The following IFT122 variants were observed in gnomAD, a reference collection of about 807,000 sequenced individuals.
IFT122 encodes intraflagellar transport 122.
In IFT122, 118 loss-of-function variants were observed where a neutral mutation model predicts 161.6. That is an observed-to-expected ratio of 0.73 (90% CI 0.63 to 0.85). The LOEUF (loss-of-function observed/expected upper bound fraction) is 0.85, where lower values mean the gene tolerates loss of function less well. IFT122 is among the 40% of genes least tolerant of loss of function. IFT122 has a pLI of 0.00. For missense variants in IFT122, 1,381 were observed against 1,579.6 expected (o/e 0.87, Z 2.13); for synonymous variants, 550 against 602.4 (o/e 0.91, Z 1.27).
intron 7 of IFT122, 119 bp from the exon 8 acceptor site, chr3:129,466,771 G>A: frequency 1.1e-6 from 1 of 929,360 alleles, no homozygotes; most frequent in South Asian, 1.3e-5. Context: ...CTGAAGTGCT[G>A]GGATTACAGG....
chr3:129,458,134 A>G (rs1274636685), intron 3 of IFT122: 1 of 170,850 alleles, frequency 5.9e-6, no homozygotes, highest in African/African-American at 2.4e-5. Flanking sequence ...GTATGTATAT[A>G]AAATACCACA....
chr3:129,458,534 A>G, intron 3 of IFT122, 65 bp from the exon 4 acceptor site: 1 of 1,375,122 alleles, frequency 7.3e-7, no homozygotes, highest in Non-Finnish European at 1.0e-6. Context: ...TTTTCTAAAG[A>G]ATTCTCTCTG....
chr3:129,506,795 A>G (rs1056581658), intron 22 of IFT122, among the ~76,000 whole-genome samples: 1 of 152,222 alleles, frequency 6.6e-6, no homozygotes, highest in African/African-American at 2.4e-5. Flanking sequence ...AATTCAGAGC[A>G]TATCTCTCCC....
At chr3:129,471,942 C>A (rs911208638) in intron 9 of IFT122, among the ~76,000 whole-genome samples, 1 of 152,006 alleles carries the variant, frequency 6.6e-6, no homozygotes, top group African/African-American at 2.4e-5. Flanking sequence ...TTATAACAAC[C>A]CTATGAGGTA....
At chr3:129,475,912 CT>C (rs1159278378) in intron 9 of IFT122, among the ~76,000 whole-genome samples, 2 of 152,142 alleles carry the variant, frequency 1.3e-5, no homozygotes, top group African/African-American at 4.8e-5. Flanking sequence ...TTATAAAATA[CT>C]TTTTTAAAAA....
At position 129,479,874 on chromosome 3, in the gene IFT122, T is replaced by C. The variant is rs757909151; in HGVS notation, c.1440T>C (p.Gly480=). Residue 480 remains glycine (G), a synonymous_variant, in exon 13 of 30, where the codon GGT becomes GGC. Coordinates refer to ENST00000348417, the MANE Select transcript of IFT122 (RefSeq NM_052989.3). ...ESLIRYIKVI[G]GPPGREGLLV... The stretch of plus-strand genomic sequence containing the variant: ...TCATTCGTTACATCAAGGTGATCGG[T>C]GGCCCTCCTGGAAGAGAAGGCCTCT... 4 of 1,614,014 alleles carry C rather than the reference T, an allele frequency of 2.5e-6. No individual in the cohort carries two copies. The Admixed American group carries it at 6.7e-5, about 27-fold the overall frequency.
chr3:129,518,761 C>T (rs537151729), intron 27 of IFT122, among the ~76,000 whole-genome samples: 83 of 152,306 alleles, frequency 5.4e-4, no homozygotes, highest in South Asian at 1.7e-3. Context: ...CCTGTCTGCT[C>T]CATCACAAGT....
rs367834133 is a variant in IFT122 at position 129,454,513 on chromosome 3, T to TTTTGTGTGTGTGTG, written c.193+2516_193+2517insTTGTGTGTGTGTGT. Among the ~76,000 whole-genome samples, 183 of 131,270 alleles carry TTTTGTGTGTGTGTG rather than the reference T, an allele frequency of 1.4e-3. 2 individuals carry two copies. In the East Asian group the frequency reaches 0.02, roughly 15 times the overall value. The allele number at this position is 131,270 out of a possible 152,430, so 86.1% of individuals were successfully genotyped here. On this transcript the variant is annotated intron_variant, in intron 3 of 29. Transcript: ENST00000348417. ...GTGTGCTGTACCATGGTAGTCATAT[T>TTTTGTGTGTGTGTG]TGTGTGTGTGTGTGTGTGTGTGTGT...
chr3:129,476,271 A>G (rs1263953217), intron 9 of IFT122, 44 bp from the exon 10 acceptor site: 1 of 1,607,994 alleles, frequency 6.2e-7, no homozygotes. Flanking sequence ...ATGGTTATGG[A>G]TTCGGAAATG....
At chr3:129,497,513 G>C (rs1290315960) in intron 18 of IFT122, among the ~76,000 whole-genome samples, 3 of 152,182 alleles carry the variant, frequency 2.0e-5, no homozygotes, top group Admixed American at 2.0e-4. Flanking sequence ...ACCACAGAGT[G>C]GATTTTCATA....
chr3:129,498,340 T>C (rs2108506828), intron 18 of IFT122, among the ~76,000 whole-genome samples: 2 of 152,356 alleles, frequency 1.3e-5, no homozygotes, highest in East Asian at 3.9e-4. Context: ...TTCCTCCAGC[T>C]GCCACCCTCA....
chr3:129,445,009 A>G (rs2073811897), intron 1 of IFT122, among the ~76,000 whole-genome samples: 2 of 152,206 alleles, frequency 1.3e-5, no homozygotes, highest in South Asian at 4.1e-4. Flanking sequence ...ATAATGGTTA[A>G]AACATGGGCT....
intron 15 of IFT122, among the ~76,000 whole-genome samples, chr3:129,484,711 T>G (rs1025637864): frequency 6.6e-6 from 1 of 152,216 alleles, no homozygotes; most frequent in African/African-American, 2.4e-5. Context: ...ACACTAGTCA[T>G]CTGGCCTTTT....
At chr3:129,460,914 A>C in intron 4 of IFT122, 1 of 1,614,086 alleles carries the variant, frequency 6.2e-7, no homozygotes, top group Non-Finnish European at 8.5e-7. Flanking sequence ...TCCACAAAAC[A>C]GTAAGAGTAA....
Position 129,495,576 on chromosome 3 carries a change from A to G in IFT122, c.2177A>G (p.Tyr726Cys). The change falls in exon 18 of 30, where the codon TAC (tyrosine) becomes TGC (cysteine). Residue 726 changes from tyrosine (Y) to cysteine (C), a missense_variant. This residue lies in a region of IFT122 where 496 missense variants were observed against 502.5 expected (regional missense o/e 0.99). Coordinates refer to ENST00000348417, the MANE Select transcript of IFT122 (RefSeq NM_052989.3). ...CACGAGAACCTCGCGCTTGAAATGT[A>G]CACCGACCTCTGCATGTTTGAGTAT... ...SGHENLALEM[Y>C]TDLCMFEYAK... is the part of the protein sequence containing the mutation. The G allele has an allele frequency of 6.2e-7, 1 of 1,614,152 alleles. No homozygotes were observed. The highest frequency in any genetic ancestry group is 8.5e-7 in the Non-Finnish European group (1 of 1,180,036).
At chr3:129,484,645 T>C (rs1201110229) in intron 15 of IFT122, among the ~76,000 whole-genome samples, 1 of 152,194 alleles carries the variant, frequency 6.6e-6, no homozygotes, top group East Asian at 1.9e-4. Flanking sequence ...TATCTTCTCA[T>C]TTCACCTCAC....
chr3:129,478,080 A>G lies in IFT122; in HGVS notation c.1212A>G (p.Gln404=), dbSNP rs775178365. 1 of 1,614,212 alleles carries G rather than the reference A, an allele frequency of 6.2e-7. No individual in the cohort carries two copies. Among genetic ancestry groups the G allele is most frequent in the South Asian group, 1.1e-5 (1 of 91,082 alleles). Residue 404 remains glutamine, a synonymous_variant, in exon 12 of 30, where the codon CAA becomes CAG. Transcript: ENST00000348417. ...TCTACAGAAATCGATTGGCTATCCA[A>G]CTGCCAGAGAAAATCCTCATCTATG... ...IAIYRNRLAI[Q]LPEKILIYEL...
chr3:129,519,465 G>T, intron 28 of IFT122, 103 bp from the exon 29 acceptor site: 1 of 1,484,610 alleles, frequency 6.7e-7, no homozygotes, highest in East Asian at 2.4e-5. Context: ...TTAGGAAGCA[G>T]GTCCTCTCTC....
At chr3:129,463,529 C>A in intron 5 of IFT122, 31 bp from the exon 6 acceptor site, 2 of 1,587,994 alleles carry the variant, frequency 1.3e-6, no homozygotes, top group Non-Finnish European at 1.7e-6. Context: ...TCCAACCAAT[C>A]CATCTTCTTT....
Sources: allele counts gnomAD v4.1 joint callset (sites outside exome capture counted in the v4.1 genomes callset), GRCh38; gene constraint gnomAD v4.1.1; regional missense constraint gnomAD v4.1.1; transcripts MANE v1.5; gene names NCBI Gene and HGNC (gene_info 2026-07-23, HGNC 2026-07-21).